Variants in BRSK1 observed in about 807,000 individuals in gnomAD.
BRSK1 encodes serine/threonine-protein kinase BRSK1.
BRSK1 carries 17 observed loss-of-function variants against 86.2 expected under a neutral mutation model. The ratio of observed to expected loss-of-function variants is 0.20; its 90% CI spans 0.14 to 0.30. The LOEUF (loss-of-function observed/expected upper bound fraction) is 0.30, where lower values mean the gene tolerates loss of function less well. Ranked by LOEUF, BRSK1 falls within the 10% of genes least tolerant of loss-of-function variation. The pLI is 1.00. For synonymous variants in BRSK1, 464 were observed against 440.1 expected (o/e 1.05, Z -0.68); for missense variants, 719 against 1,071.9 (o/e 0.67, Z 4.60).
rs1341687453 is a variant in BRSK1, at chr19:55,308,658, G to A, written c.2109G>A (p.Lys703=). Reference sequence around the variant, plus strand: ...CTCTAGGTCCCAGCCGTCGGTTCAAGCGAGTGGTGGAGACCATCCAGGCAC... The same window carrying A: ...CTCTAGGTCCCAGCCGTCGGTTCAAACGAGTGGTGGAGACCATCCAGGCAC... ...TLISGPSRRF[K]RVVETIQAQL... is the part of the protein sequence containing the mutation. Residue 703 remains lysine (K), a synonymous_variant, in exon 18 of 19, where the codon AAG becomes AAA. Transcript: ENST00000309383. 1.2e-5 allele frequency: 19 copies of A among 1,609,954 alleles called. 1 individual carries two copies. The highest frequency in any genetic ancestry group is 1.6e-5 in the Non-Finnish European group (19 of 1,178,314).
In BRSK1 at chr19:55,287,302, A is replaced by G; in HGVS notation, c.317+3A>G. Reference sequence around the variant, plus strand: ...GTCTACGAGAACAAGAAATATTTGTAGGTATTTATAGACACCCAGCCCTAC... The same window carrying G: ...GTCTACGAGAACAAGAAATATTTGTGGGTATTTATAGACACCCAGCCCTAC... On this transcript the variant is annotated splice_donor_region_variant and intron_variant, in intron 3 of 18. Coordinates refer to ENST00000309383, the MANE Select transcript of BRSK1 (RefSeq NM_032430.2). The surrounding 1 kb of genome is among the most constrained non-coding windows in gnomAD (Gnocchi z 5.3). 6.2e-7 allele frequency: 1 copy of G among 1,613,684 alleles called. No individual in the cohort carries two copies. The highest frequency in any genetic ancestry group is 8.5e-7 in the Non-Finnish European group (1 of 1,179,636).
chr19:55,304,193 T>G lies in BRSK1; in HGVS notation c.1347+83T>G, dbSNP rs1456190025. 7.3e-7 allele frequency: 1 copy of G among 1,362,332 alleles called. No individual in the cohort carries two copies. The highest frequency in any genetic ancestry group is 1.3e-5 in the South Asian group (1 of 78,264). The allele number at this position is 1,362,332 out of a possible 1,614,324, so 84.4% of individuals were successfully genotyped here. On this transcript the variant is annotated intron_variant, in intron 13 of 18. Transcript: ENST00000309383. The surrounding 1 kb of genome is among the most constrained non-coding windows in gnomAD (Gnocchi z 5.2). The stretch of plus-strand genomic sequence containing the variant: ...AAGATTGAGTAGCAGAAACTACAAT[T>G]CCTGTGCAGTCTTGAGACTTGCTTC...
rs578117523 is a variant in BRSK1, at chr19:55,284,125, C to T, written c.-318C>T. 5.3e-4 allele frequency: 634 copies of T among 1,192,962 alleles called. 5 individuals carry two copies. In the African/African-American group the frequency reaches 9.5e-3, roughly 18 times the overall value. The allele number at this position is 1,192,962 out of a possible 1,614,324, so 73.9% of individuals were successfully genotyped here. A position where few individuals can be genotyped will look rare whatever the true frequency, so the allele number is the denominator to read the frequency against. On this transcript the variant is annotated 5_prime_UTR_variant, in exon 1 of 19. Transcript: ENST00000309383. Reference sequence around the variant, plus strand: ...CCTCGGCCTGCAGCATCCGCCGGCCCGCACCTCAGACCCCCCCGGCGGGGG... The same window carrying T: ...CCTCGGCCTGCAGCATCCGCCGGCCTGCACCTCAGACCCCCCCGGCGGGGG...
At position 55,303,918 on chromosome 19, in the gene BRSK1, C is replaced by G; in HGVS notation, c.1286+92C>G. ...CAGCTCTACCTCAAATGTGCTGTGT[C>G]CTTGGGACAATTCACCTCCCCTCTC... On this transcript the variant is annotated intron_variant, in intron 12 of 18. Coordinates refer to ENST00000309383, the MANE Select transcript of BRSK1 (RefSeq NM_032430.2). This position sits in a 1 kb window ranked among gnomAD's most constrained non-coding sequence, Gnocchi z 5.1. The G allele has an allele frequency of 1.3e-6, 2 of 1,522,238 alleles. No homozygotes were observed. Among genetic ancestry groups the G allele is most frequent in the Non-Finnish European group, 1.8e-6 (2 of 1,132,936 alleles). The allele number at this position is 1,522,238 out of a possible 1,614,324, so 94.3% of individuals were successfully genotyped here.
At chr19:55,288,895 G>A (rs1281677345) in intron 3 of BRSK1, among the ~76,000 whole-genome samples, 4 of 152,180 alleles carry the variant, frequency 2.6e-5, no homozygotes, top group East Asian at 3.9e-4. Flanking sequence ...AGAAGTGGGG[G>A]TTTTTAACTT....
intron 7 of BRSK1, among the ~76,000 whole-genome samples, chr19:55,298,577 G>A (rs1365388642): frequency 1.3e-5 from 2 of 152,162 alleles, no homozygotes; most frequent in African/African-American, 4.8e-5. Flanking sequence ...AGTCCTGGAG[G>A]TGCTTTCACA....
At chr19:55,285,414 G>T (rs2088295503) in intron 1 of BRSK1, among the ~76,000 whole-genome samples, 1 of 152,222 alleles carries the variant, frequency 6.6e-6, no homozygotes, top group East Asian at 1.9e-4. Context: ...GCAGAGTGGG[G>T]CCGGGCTGGG....
At chr19:55,298,764 C>T (rs562828974) in intron 7 of BRSK1, among the ~76,000 whole-genome samples, 6 of 152,094 alleles carry the variant, frequency 3.9e-5, no homozygotes, top group Non-Finnish European at 8.8e-5. Context: ...GTGGCAATTT[C>T]GTTGTTTAAA....
Position 55,312,029 on chromosome 19 carries a change from C to T in BRSK1, c.2298C>T (p.Asp766=), listed in dbSNP as rs1344168348. 2 of 1,499,010 alleles carry T rather than the reference C, an allele frequency of 1.3e-6. No individual in the cohort carries two copies. Among genetic ancestry groups the T allele is most frequent in the Non-Finnish European group, 1.8e-6 (2 of 1,123,472 alleles). 92.9% of individuals were successfully genotyped at this position (1,499,010 alleles called of 1,614,324 possible). Residue 766 remains aspartate, a synonymous_variant, in exon 19 of 19, where the codon GAC becomes GAT. Coordinates refer to ENST00000309383, the MANE Select transcript of BRSK1 (RefSeq NM_032430.2). ...CTCCCCGCCGAGGCCCCCCCAAGGA[C>T]AAGAAGCTCCTGGCCACCAACGGGA... ...SSSPRRGPPK[D]KKLLATNGTP...
intron 1 of BRSK1, among the ~76,000 whole-genome samples, chr19:55,286,000 A>G (rs113669797): frequency 1.2e-3 from 79 of 63,950 alleles, no homozygotes; most frequent in East Asian, 2.7e-3. Context: ...AGGGAGGAGG[A>G]ACTGGGGGTC....
At chr19:55,290,888 G>T (rs549735248) in intron 4 of BRSK1, among the ~76,000 whole-genome samples, 2 of 151,816 alleles carry the variant, frequency 1.3e-5, no homozygotes, top group Non-Finnish European at 2.9e-5. Context: ...TAATCCGTCC[G>T]CCTCGGCCTC....
chr19:55,292,572 G>A (rs897940291), intron 4 of BRSK1, among the ~76,000 whole-genome samples: 5 of 150,868 alleles, frequency 3.3e-5, no homozygotes, highest in African/African-American at 1.2e-4. Flanking sequence ...GGTGGCTCAC[G>A]CCTGTAATCC....
At position 55,303,849 on chromosome 19, in the gene BRSK1, G is replaced by A; in HGVS notation, c.1286+23G>A. The A allele has an allele frequency of 6.5e-7, 1 of 1,547,414 alleles. No homozygotes were observed. The highest frequency in any genetic ancestry group is 8.7e-7 in the Non-Finnish European group (1 of 1,148,016). ...GAGGTGGGAGCCCCTGTCCCTCCAG[G>A]AGGATCCACAATCCCTGGGTCTAGG... On this transcript the variant is annotated intron_variant, in intron 12 of 18. Coordinates refer to ENST00000309383, the MANE Select transcript of BRSK1 (RefSeq NM_032430.2). The surrounding 1 kb of genome is among the most constrained non-coding windows in gnomAD (Gnocchi z 5.1).
At chr19:55,301,938 T>C (rs906884491) in intron 8 of BRSK1, 199 bp from the exon 9 acceptor site, 10 of 815,746 alleles carry the variant, frequency 1.2e-5, no homozygotes, top group Admixed American at 7.3e-5. Context: ...ATGCGGCCGG[T>C]CCGGGGTACA....
Position 55,304,158 on chromosome 19 carries a change from A to G in BRSK1, c.1347+48A>G, listed in dbSNP as rs766142425. 6.5e-7 allele frequency: 1 copy of G among 1,547,204 alleles called. No individual in the cohort carries two copies. The highest frequency in any genetic ancestry group is 2.2e-5 in the East Asian group (1 of 44,508). On this transcript the variant is annotated intron_variant, in intron 13 of 18. Coordinates refer to ENST00000309383, the MANE Select transcript of BRSK1 (RefSeq NM_032430.2). This position sits in a 1 kb window ranked among gnomAD's most constrained non-coding sequence, Gnocchi z 5.2. ...ATTTAAGAAGGAGAAAGGGGTGGAG[A>G]CATGGAGCAAAGATTGAGTAGCAGA... is the stretch of plus-strand genomic sequence containing the variant.
intron 3 of BRSK1, among the ~76,000 whole-genome samples, chr19:55,288,287 G>A (rs2088350611): frequency 6.6e-6 from 1 of 151,904 alleles, no homozygotes; most frequent in Non-Finnish European, 1.5e-5. Flanking sequence ...ACCAGCCTGA[G>A]CAACATGGCA....
intron 4 of BRSK1, among the ~76,000 whole-genome samples, chr19:55,291,939 T>C (rs1356090892): frequency 6.6e-6 from 1 of 152,112 alleles, no homozygotes; most frequent in Non-Finnish European, 1.5e-5. Flanking sequence ...TTTGTATTTT[T>C]AGTAGAGATG....
chr19:55,295,826 G>A (rs747413246), intron 7 of BRSK1, among the ~76,000 whole-genome samples: 5 of 152,116 alleles, frequency 3.3e-5, no homozygotes, highest in Admixed American at 6.5e-5. Flanking sequence ...AAAACTAGCC[G>A]GGCTTGGTGG....
chr19:55,289,758 A>G, intron 4 of BRSK1, 138 bp downstream of exon 4: 1 of 1,130,328 alleles, frequency 8.8e-7, no homozygotes, highest in Non-Finnish European at 1.2e-6. Flanking sequence ...CTCATACACC[A>G]GAAAATTCCT....
Sources: gnomAD v4.1 joint callset for allele counts (sites outside exome capture counted in the v4.1 genomes callset) on GRCh38, gnomAD v4.1.1 for gene constraint, Gnocchi (gnomAD v3.1) non-coding constraint, MANE v1.5 for transcripts, NCBI Gene and HGNC (gene_info 2026-07-23, HGNC 2026-07-21) for gene names.